CSMD1: variants seen among roughly 807,000 people sequenced by gnomAD.
CSMD1 encodes CUB and Sushi multiple domains 1.
In CSMD1, 213 loss-of-function variants were observed where a neutral mutation model predicts 417.5. The ratio of observed to expected loss-of-function variants is 0.51; its 90% confidence interval spans 0.46 to 0.57. The LOEUF (loss-of-function observed/expected upper bound fraction) is 0.57, where lower values mean the gene tolerates loss of function less well. CSMD1 is among the 20% of genes least tolerant of loss of function. The pLI is 0.00. For synonymous variants in CSMD1, 2,862 were observed against 1,736.8 expected (o/e 1.65, Z -16.11); for missense variants, 6,923 against 4,529.7 (o/e 1.53, Z -15.17).
chr8:4,974,914 A>G (rs1178694208), intron 1 of CSMD1, among the ~76,000 whole-genome samples: 2 of 152,226 alleles, frequency 1.3e-5, no homozygotes, highest in Non-Finnish European at 2.9e-5. Context: ...TTATGTTGAT[A>G]TACTGGGGTT....
intron 3 of CSMD1, among the ~76,000 whole-genome samples, chr8:4,168,114 G>C (rs1432371672): frequency 6.6e-6 from 1 of 151,394 alleles, no homozygotes; most frequent in African/African-American, 2.4e-5. Flanking sequence ...GGGAAAGAGA[G>C]CAAGGCTCTG....
intron 2 of CSMD1, among the ~76,000 whole-genome samples, chr8:4,501,072 T>C (rs1192526684): frequency 1.3e-5 from 2 of 151,928 alleles, no homozygotes; most frequent in Admixed American, 6.6e-5. Flanking sequence ...AAAAAAGATA[T>C]AATAACAACA....
intron 5 of CSMD1, among the ~76,000 whole-genome samples, chr8:3,829,378 C>A (rs1271025222): frequency 2.6e-5 from 4 of 152,156 alleles, no homozygotes; most frequent in Non-Finnish European, 5.9e-5. Context: ...TATACCCCTT[C>A]AGAGAAGTTT....
intron 20 of CSMD1, among the ~76,000 whole-genome samples, chr8:3,362,184 A>G (rs1418641105): frequency 1.3e-5 from 2 of 152,142 alleles, no homozygotes; most frequent in African/African-American, 2.4e-5. Context: ...AACAACACCA[A>G]TCTCTGGACT....
chr8:3,856,143 A>T (rs1331799518), intron 5 of CSMD1, among the ~76,000 whole-genome samples: 1 of 152,042 alleles, frequency 6.6e-6, no homozygotes, highest in Non-Finnish European at 1.5e-5. Flanking sequence ...GTGGGAGGTG[A>T]CTGGATTGTG....
chr8:4,667,817 T>C (rs1260294433), intron 1 of CSMD1, among the ~76,000 whole-genome samples: 1 of 152,196 alleles, frequency 6.6e-6, no homozygotes, highest in Non-Finnish European at 1.5e-5. Flanking sequence ...ATAATCTTAT[T>C]TTATCCTTCC....
Position 4,755,364 on chromosome 8 carries a change from G to C in CSMD1, c.86-117806C>G, listed in dbSNP as rs549360880. ...GATATTATCTTCTGCTTTGCAATTA[G>C]CTATAACCTTCAAAGTGCTGCTTTC... On this transcript the variant is annotated intron_variant, in intron 1 of 69. Coordinates refer to ENST00000635120, the MANE Select transcript of CSMD1 (RefSeq NM_033225.6). 5.9e-5 allele frequency among the ~76,000 whole-genome samples: 9 copies of C among 152,158 alleles called. No individual in the cohort carries two copies. In the South Asian group the frequency reaches 1.0e-3, roughly 18 times the overall value.
chr8:4,728,391 G>C (rs879552345), intron 1 of CSMD1, among the ~76,000 whole-genome samples: 4 of 151,944 alleles, frequency 2.6e-5, no homozygotes, highest in African/African-American at 9.7e-5. Context: ...CGTATTTAGG[G>C]GAGTTTAGTT....
chr8:4,264,501 G>A (rs549609520), intron 3 of CSMD1, among the ~76,000 whole-genome samples: 2 of 152,116 alleles, frequency 1.3e-5, no homozygotes, highest in East Asian at 1.9e-4. Context: ...ACAAGCTAAT[G>A]TGTACCCCCC....
chr8:3,901,133 T>C (rs1807721462), intron 5 of CSMD1, among the ~76,000 whole-genome samples: 1 of 152,180 alleles, frequency 6.6e-6, no homozygotes, highest in Non-Finnish European at 1.5e-5. Flanking sequence ...GGGTCATGAA[T>C]GTACTGATAA....
At chr8:4,140,629 C>G (rs577099748) in intron 3 of CSMD1, among the ~76,000 whole-genome samples, 1 of 150,914 alleles carries the variant, frequency 6.6e-6, no homozygotes, top group African/African-American at 2.5e-5. Context: ...GATTGCGCCA[C>G]TGCACTCCAG....
chr8:3,694,709 G>C (rs1165003270), intron 7 of CSMD1, among the ~76,000 whole-genome samples: 1 of 151,832 alleles, frequency 6.6e-6, no homozygotes. Context: ...GAATGAAAGG[G>C]GAGAACCTGG....
chr8:3,972,660 A>G lies in CSMD1; in HGVS notation c.818+25243T>C, dbSNP rs527680557. On this transcript the variant is annotated intron_variant, in intron 5 of 69. Transcript: ENST00000635120. ...GTTTACATGTGATAGTAAGAATAGT[A>G]ACAGATTATGACCAGTGTTAGCATG... 2.0e-5 allele frequency among the ~76,000 whole-genome samples: 3 copies of G among 152,368 alleles called. No homozygotes were observed. In the South Asian group the frequency reaches 6.2e-4, roughly 32 times the overall value.
intron 5 of CSMD1, among the ~76,000 whole-genome samples, chr8:3,787,017 T>A (rs887986495): frequency 5.9e-5 from 9 of 152,168 alleles, no homozygotes; most frequent in Non-Finnish European, 1.3e-4. Context: ...GGATCTGAAG[T>A]CTAACTTAAG....
intron 3 of CSMD1, among the ~76,000 whole-genome samples, chr8:4,085,714 C>T (rs1800382976): frequency 6.6e-6 from 1 of 152,090 alleles, no homozygotes. Context: ...GTTAATAAAA[C>T]ATTCTGGAAA....
Position 3,057,907 on chromosome 8 carries a change from T to A in CSMD1, c.7475-5260A>T, listed in dbSNP as rs569566585. Among the ~76,000 whole-genome samples, 3 of 152,346 alleles carry A rather than the reference T, an allele frequency of 2.0e-5. No individual in the cohort carries two copies. The South Asian group carries it at 6.2e-4, about 32-fold the overall frequency. On this transcript the variant is annotated intron_variant, in intron 49 of 69. Coordinates refer to ENST00000635120, the MANE Select transcript of CSMD1 (RefSeq NM_033225.6). Reference sequence around the variant, plus strand: ...CCCGCGACACTGAACAAAAACTACATTTTTTGTCTTCAAACCTCACCAAAA... The same window carrying A: ...CCCGCGACACTGAACAAAAACTACAATTTTTGTCTTCAAACCTCACCAAAA...
intron 23 of CSMD1, among the ~76,000 whole-genome samples, chr8:3,312,496 G>C (rs769261022): frequency 1.1e-4 from 16 of 152,098 alleles, no homozygotes; most frequent in Non-Finnish European, 1.6e-4. Flanking sequence ...GGCCATTCTA[G>C]AGATCAGTTT....
intron 5 of CSMD1, among the ~76,000 whole-genome samples, chr8:3,790,295 C>A (rs1255764547): frequency 6.6e-6 from 1 of 152,094 alleles, no homozygotes; most frequent in African/African-American, 2.4e-5. Flanking sequence ...TGAAGTAAGT[C>A]ATGTGTAGCT....
At chr8:3,928,950 T>C (rs1420767775) in intron 5 of CSMD1, among the ~76,000 whole-genome samples, 1 of 150,524 alleles carries the variant, frequency 6.6e-6, no homozygotes, top group Non-Finnish European at 1.5e-5. Flanking sequence ...ATAAAATGAA[T>C]GCTGTGGTTT....
Sources: allele counts gnomAD v4.1 joint callset (sites outside exome capture counted in the v4.1 genomes callset), GRCh38; gene constraint gnomAD v4.1.1; transcripts MANE v1.5; gene names NCBI Gene and HGNC (gene_info 2026-07-23, HGNC 2026-07-21).